Variants in CACNG5 observed in about 807,000 individuals in gnomAD.
The protein encoded by CACNG5 is voltage-dependent calcium channel gamma-5 subunit.
CACNG5 carries 18 observed loss-of-function variants against 24.8 expected under a neutral mutation model. That is an observed-to-expected ratio of 0.73 (90% confidence interval 0.50 to 1.08). The LOEUF (loss-of-function observed/expected upper bound fraction) is 1.08, where lower values mean the gene tolerates loss of function less well. Among genes scored for constraint, CACNG5 ranks in the 50% least tolerant of loss-of-function variants. The pLI is 0.00. For missense variants in CACNG5, 349 were observed against 367.9 expected (o/e 0.95, Z 0.42); for synonymous variants, 157 against 149.1 (o/e 1.05, Z -0.39).
chr17:66,857,169 C>G (rs191437185), intron 1 of CACNG5, among the ~76,000 whole-genome samples: 8 of 147,890 alleles, frequency 5.4e-5, no homozygotes, highest in Admixed American at 3.4e-4. Context: ...AGGGATCCTC[C>G]TACCTAGCCT....
In CACNG5 at chr17:66,894,420, G is replaced by C. The variant is rs1281267765; in HGVS notation, c.*9180G>C. Among the ~76,000 whole-genome samples, 3 of 152,068 alleles carry C rather than the reference G, an allele frequency of 2.0e-5. No homozygotes were observed. The highest frequency in any genetic ancestry group is 7.2e-5 in the African/African-American group (3 of 41,404). ...AAATTAGTACTAATATATTATTTTG[G>C]TTATTGCTACTGTTTCTTTAGCACC... On this transcript the variant is annotated 3_prime_UTR_variant, in exon 6 of 6. Transcript: ENST00000533854.
Position 66,877,472 on chromosome 17 carries a change from G to A in CACNG5, c.140G>A (p.Ser47Asn), listed in dbSNP as rs1474365277. The A allele has an allele frequency of 2.5e-6, 4 of 1,614,016 alleles. No homozygotes were observed. Among genetic ancestry groups the A allele is most frequent in the Non-Finnish European group, 8.5e-7 (1 of 1,179,994 alleles). Residue 47 changes from serine (S) to asparagine (N), a missense_variant, in exon 2 of 6, where the codon AGC (serine) becomes AAC (asparagine). Ser to Asn is a conservative substitution (Grantham distance 46, BLOSUM62 1). Transcript: ENST00000533854. The part of the protein sequence containing the change: ...EEGVIVPQNQ[S>N]TEIKMSLHSG... ...GGTGTGATTGTGCCCCAGAACCAGA[G>A]CACCGAGATCAAGATGTCCCTGCAC...
intron 1 of CACNG5, among the ~76,000 whole-genome samples, chr17:66,846,402 C>T (rs1214149610): frequency 6.6e-6 from 1 of 152,168 alleles, no homozygotes; most frequent in Non-Finnish European, 1.5e-5. Context: ...TTTCCCAAGG[C>T]CCTGGCAACC....
chr17:66,865,196 G>T (rs1976912714), intron 1 of CACNG5, among the ~76,000 whole-genome samples: 1 of 150,284 alleles, frequency 6.7e-6, no homozygotes, highest in African/African-American at 2.4e-5. Context: ...CTGGCTATTT[G>T]TGTGTAGCTG....
At chr17:66,837,044 C>G (rs1185821567) in intron 1 of CACNG5, among the ~76,000 whole-genome samples, 2 of 152,258 alleles carry the variant, frequency 1.3e-5, no homozygotes, top group African/African-American at 4.8e-5. Context: ...GGCCAACTTA[C>G]AGAATGCTTG....
rs753470371 is a variant in CACNG5 at position 66,884,529 on chromosome 17, G to T, written c.438G>T (p.Val146=). 6.2e-7 allele frequency: 1 copy of T among 1,611,474 alleles called. No individual in the cohort carries two copies. Among genetic ancestry groups the T allele is most frequent in the East Asian group, 2.2e-5 (1 of 44,866 alleles). ...IFFILSGLSL[V]VGLVLYISSI... ...CTGCCCAACCAGGCCTCTCTCTCGT[G>T]GTGGGCCTGGTGCTCTACATCTCCA... Residue 146 remains valine (V), a synonymous_variant, in exon 5 of 6, where the codon GTG becomes GTT. Coordinates refer to ENST00000533854, the MANE Select transcript of CACNG5 (RefSeq NM_145811.3).
intron 1 of CACNG5, among the ~76,000 whole-genome samples, chr17:66,844,502 A>G (rs1469565891): frequency 2.0e-5 from 3 of 152,230 alleles, no homozygotes; most frequent in Admixed American, 6.5e-5. Context: ...GGTCCTCGAT[A>G]TACTGATAGC....
intron 4 of CACNG5, among the ~76,000 whole-genome samples, chr17:66,883,156 G>T (rs1320813189): frequency 6.6e-6 from 1 of 152,158 alleles, no homozygotes; most frequent in Non-Finnish European, 1.5e-5. Flanking sequence ...CCCAGCTTTT[G>T]CATGGTGATA....
intron 1 of CACNG5, among the ~76,000 whole-genome samples, chr17:66,859,643 G>A (rs1598051882): frequency 6.6e-6 from 1 of 152,114 alleles, no homozygotes. Context: ...AGCCAGATTG[G>A]TTTCCCTCCC....
At chr17:66,867,619 C>A (rs1438525737) in intron 1 of CACNG5, among the ~76,000 whole-genome samples, 1 of 152,118 alleles carries the variant, frequency 6.6e-6, no homozygotes, top group East Asian at 1.9e-4. Context: ...ACATTTAAAT[C>A]TTTAATCCAT....
At position 66,885,327 on chromosome 17, in the gene CACNG5, G is replaced by T. The variant is rs879013872; in HGVS notation, c.*87G>T. ...GTGACCCCTGAGCCCCAGGCCTGTG[G>T]TTGACAGGCCCAGGCCACCCATGCT... On this transcript the variant is annotated 3_prime_UTR_variant, in exon 6 of 6. Coordinates refer to ENST00000533854, the MANE Select transcript of CACNG5 (RefSeq NM_145811.3). The T allele has an allele frequency of 2.1e-6, 3 of 1,460,476 alleles. No individual in the cohort carries two copies. Among genetic ancestry groups the T allele is most frequent in the Non-Finnish European group, 2.7e-6 (3 of 1,097,374 alleles). 90.5% of individuals were successfully genotyped at this position (1,460,476 alleles called of 1,614,324 possible).
intron 4 of CACNG5, among the ~76,000 whole-genome samples, chr17:66,881,423 C>G: frequency 6.6e-6 from 1 of 152,206 alleles, no homozygotes; most frequent in East Asian, 1.9e-4. Flanking sequence ...CCCAGCTGTC[C>G]TCAGGAGACT....
In CACNG5 at chr17:66,891,645, C is replaced by T. The variant is rs555104515; in HGVS notation, c.*6405C>T. On this transcript the variant is annotated 3_prime_UTR_variant, in exon 6 of 6. Transcript: ENST00000533854. ...TTCTGGAAGCAGCCTTTGAAGTTAC[C>T]TGATGTCATTTCCATCATAATCCCC... Among the ~76,000 whole-genome samples, 1 of 152,294 alleles carries T rather than the reference C, an allele frequency of 6.6e-6. No homozygotes were observed. The highest frequency in any genetic ancestry group is 6.5e-5 in the Admixed American group (1 of 15,306).
chr17:66,841,526 T>C (rs1976568058), intron 1 of CACNG5, among the ~76,000 whole-genome samples: 1 of 152,166 alleles, frequency 6.6e-6, no homozygotes, highest in Non-Finnish European at 1.5e-5. Flanking sequence ...CAGCCCTTTC[T>C]GTACCTGTCC....
Position 66,880,656 on chromosome 17 carries a change from C to T in CACNG5, c.383C>T (p.Thr128Met), listed in dbSNP as rs149159754. The change falls in exon 4 of 6, where the codon ACG becomes ATG. Residue 128 changes from threonine (T) to methionine (M), a missense_variant. By Grantham distance (81) the Thr-to-Met change is moderately conservative. Transcript: ENST00000533854. The part of the protein sequence containing the change: ...NNIGHIRPHR[T>M]ILAFVSGIFF... ...ATCGGACACATCCGTCCCCACCGGA[C>T]GATACTGGCCTTTGTCTCTGGCATC... 937 of 1,614,110 alleles carry T rather than the reference C, an allele frequency of 5.8e-4. No homozygotes were observed. Among genetic ancestry groups the T allele is most frequent in the Admixed American group, 7.2e-4 (43 of 60,014 alleles).
In CACNG5 at chr17:66,886,460, G is replaced by T. The variant is rs1977261849; in HGVS notation, c.*1220G>T. Among the ~76,000 whole-genome samples, 1 of 152,156 alleles carries T rather than the reference G, an allele frequency of 6.6e-6. No homozygotes were observed. Among genetic ancestry groups the T allele is most frequent in the Non-Finnish European group, 1.5e-5 (1 of 68,028 alleles). On this transcript the variant is annotated 3_prime_UTR_variant, in exon 6 of 6. Coordinates refer to ENST00000533854, the MANE Select transcript of CACNG5 (RefSeq NM_145811.3). ...TCTGGTGGGAAACCGGAGCCAGGAG[G>T]GTTTCAATTACCCTCCGTAAGTCCA...
At chr17:66,846,471 A>T (rs547374604) in intron 1 of CACNG5, among the ~76,000 whole-genome samples, 10 of 152,302 alleles carry the variant, frequency 6.6e-5, no homozygotes, top group Admixed American at 6.5e-4. Flanking sequence ...CATAAATGGA[A>T]TTATAATCAT....
intron 1 of CACNG5, among the ~76,000 whole-genome samples, chr17:66,844,739 T>C (rs1220413832): frequency 6.6e-6 from 1 of 152,188 alleles, no homozygotes; most frequent in Non-Finnish European, 1.5e-5. Context: ...CTCTACTGAA[T>C]GTCTACGAGG....
rs1010497856 is a variant in CACNG5, at chr17:66,885,157, G to A, written c.745G>A (p.Glu249Lys). The part of the protein sequence containing the change: ...RGRSPSDISS[E>K]ASLQMNSNYP... ...CCGCAGCCCCTCCGACATCTCCAGCGAGGCCTCCCTGCAGATGAACAGCAA... is the reference window on the plus strand; with the variant it reads ...CCGCAGCCCCTCCGACATCTCCAGCAAGGCCTCCCTGCAGATGAACAGCAA... Residue 249 changes from glutamate to lysine, a missense_variant, in exon 6 of 6, where the codon GAG becomes AAG. Physicochemically the swap from Glu to Lys is moderately conservative, Grantham distance 56 (BLOSUM62 1). Transcript: ENST00000533854. 7 of 1,613,172 alleles carry A rather than the reference G, an allele frequency of 4.3e-6. No homozygotes were observed. Among genetic ancestry groups the A allele is most frequent in the Non-Finnish European group, 5.9e-6 (7 of 1,179,980 alleles).
Sources: allele counts gnomAD v4.1 joint callset (sites outside exome capture counted in the v4.1 genomes callset), GRCh38; gene constraint gnomAD v4.1.1; transcripts MANE v1.5; gene names NCBI Gene and HGNC (gene_info 2026-07-23, HGNC 2026-07-21).